The following SORCS3 variants were observed in gnomAD, a reference collection of about 807,000 sequenced individuals.
SORCS3 encodes VPS10 domain-containing receptor SorCS3.
A neutral mutation model predicts 146.3 loss-of-function variants in SORCS3; 57 were observed. That is an observed-to-expected ratio of 0.39 (90% CI 0.31 to 0.49). The LOEUF is 0.49. Among genes scored for constraint, SORCS3 ranks in the 20% least tolerant of loss-of-function variants. The probability of loss-of-function intolerance (pLI) is 0.92; values close to 1 mark genes in which losing one functional copy is unlikely to be tolerated. For synonymous variants in SORCS3, 653 were observed against 618.5 expected (o/e 1.06, Z -0.83); for missense variants, 1,341 against 1,575.5 (o/e 0.85, Z 2.52).
At chr10:104,819,304 T>C (rs1393087892) in intron 1 of SORCS3, among the ~76,000 whole-genome samples, 1 of 152,176 alleles carries the variant, frequency 6.6e-6, no homozygotes, top group East Asian at 1.9e-4. Flanking sequence ...TGAGTCTGGC[T>C]CAAGGGGTCT....
intron 1 of SORCS3, among the ~76,000 whole-genome samples, chr10:104,822,388 CT>C (rs1231635525): frequency 2.6e-5 from 4 of 152,196 alleles, no homozygotes; most frequent in African/African-American, 9.6e-5. Context: ...TTTCTCAGGA[CT>C]GTGGCCATGG....
chr10:104,954,402 C>G (rs1484301579), intron 3 of SORCS3, among the ~76,000 whole-genome samples: 1 of 152,092 alleles, frequency 6.6e-6, no homozygotes, highest in Non-Finnish European at 1.5e-5. Context: ...TATTAAAAAG[C>G]CAGGTGGGTG....
At chr10:105,170,078 G>C (rs142105412) in intron 13 of SORCS3, among the ~76,000 whole-genome samples, 5 of 152,208 alleles carry the variant, frequency 3.3e-5, no homozygotes, top group Non-Finnish European at 7.4e-5. Context: ...GTTTATTTTT[G>C]TCATTTCCTT....
At chr10:104,965,057 A>G (rs1037099344) in intron 3 of SORCS3, among the ~76,000 whole-genome samples, 1 of 152,168 alleles carries the variant, frequency 6.6e-6, no homozygotes, top group African/African-American at 2.4e-5. Flanking sequence ...TTCCTTCCTA[A>G]GGCGGAATAA....
chr10:104,802,105 A>T (rs1463154404), intron 1 of SORCS3, among the ~76,000 whole-genome samples: 2 of 152,198 alleles, frequency 1.3e-5, no homozygotes, highest in African/African-American at 2.4e-5. Context: ...TAGCTTTTAT[A>T]TTCTAAGGCA....
chr10:105,238,960 C>A (rs1379689096), intron 20 of SORCS3, among the ~76,000 whole-genome samples: 1 of 152,106 alleles, frequency 6.6e-6, no homozygotes, highest in East Asian at 1.9e-4. Flanking sequence ...CAAATAGAAT[C>A]TATAACTATC....
chr10:104,900,640 C>G (rs1564709187), intron 2 of SORCS3, among the ~76,000 whole-genome samples: 1 of 152,090 alleles, frequency 6.6e-6, no homozygotes, highest in Non-Finnish European at 1.5e-5. Context: ...CCTGTAATCC[C>G]AGGACTTTGG....
intron 4 of SORCS3, among the ~76,000 whole-genome samples, chr10:105,005,983 C>T (rs1052867377): frequency 2.6e-5 from 4 of 152,166 alleles, no homozygotes; most frequent in African/African-American, 4.8e-5. Flanking sequence ...CTTGCTCTGT[C>T]GCCCAGGCTT....
intron 4 of SORCS3, among the ~76,000 whole-genome samples, chr10:105,032,824 G>A (rs972538652): frequency 9.9e-5 from 15 of 152,080 alleles, no homozygotes; most frequent in African/African-American, 3.6e-4. Context: ...AGGAAAGCAG[G>A]CAATAAAGTA....
chr10:104,969,436 C>A (rs1378305222), intron 3 of SORCS3, among the ~76,000 whole-genome samples: 1 of 151,760 alleles, frequency 6.6e-6, no homozygotes, highest in African/African-American at 2.4e-5. Flanking sequence ...GTTTCCTTAT[C>A]TGTAAAATAT....
chr10:104,980,083 C>T (rs1263413014), intron 4 of SORCS3, among the ~76,000 whole-genome samples: 1 of 152,138 alleles, frequency 6.6e-6, no homozygotes, highest in Admixed American at 6.6e-5. Context: ...CATGAAGTAC[C>T]CTTATGGATA....
At chr10:105,025,879 C>CACAT (rs2055225702) in intron 4 of SORCS3, among the ~76,000 whole-genome samples, 1 of 150,470 alleles carries the variant, frequency 6.6e-6, no homozygotes, top group Non-Finnish European at 1.5e-5. Context: ...CACACACACA[C>CACAT]ACCTGAAGAA....
At chr10:105,131,733 G>A (rs146731718) in intron 7 of SORCS3, among the ~76,000 whole-genome samples, 249 of 152,176 alleles carry the variant, frequency 1.6e-3, no homozygotes, top group East Asian at 2.1e-3. Flanking sequence ...CAATTACGGC[G>A]GAAGGTAAAG....
At chr10:105,084,339 T>A (rs974201786) in intron 5 of SORCS3, among the ~76,000 whole-genome samples, 3 of 152,206 alleles carry the variant, frequency 2.0e-5, no homozygotes, top group Non-Finnish European at 4.4e-5. Context: ...CCATTAGCAT[T>A]TATTACCATT....
At chr10:104,756,717 C>A (rs759899310) in intron 1 of SORCS3, among the ~76,000 whole-genome samples, 2 of 152,180 alleles carry the variant, frequency 1.3e-5, no homozygotes, top group Non-Finnish European at 2.9e-5. Context: ...CCTCAGATGG[C>A]ACCGATCCTC....
chr10:105,065,073 G>T (rs538526573), intron 5 of SORCS3, among the ~76,000 whole-genome samples: 110 of 152,246 alleles, frequency 7.2e-4, no homozygotes, highest in Non-Finnish European at 1.4e-3. Context: ...TTGGGGGTGG[G>T]CATCCATCTC....
chr10:105,147,867 A>T, intron 9 of SORCS3, 71 bp downstream of exon 9: 1 of 1,343,460 alleles, frequency 7.4e-7, no homozygotes, highest in East Asian at 2.4e-5. Flanking sequence ...TATAAACACA[A>T]GCACTGGAGT....
chr10:105,237,342 AG>A (rs1312171304), intron 20 of SORCS3, among the ~76,000 whole-genome samples: 3 of 152,198 alleles, frequency 2.0e-5, no homozygotes, highest in African/African-American at 7.2e-5. Flanking sequence ...TCTATGATCA[AG>A]TATTGCTGCA....
At chr10:104,863,273 C>A (rs2018424913) in intron 2 of SORCS3, among the ~76,000 whole-genome samples, 2 of 152,148 alleles carry the variant, frequency 1.3e-5, no homozygotes, top group Admixed American at 6.5e-5. Flanking sequence ...CTAGGGATAT[C>A]CCTAGCAGAA....
Sources: gnomAD v4.1 joint callset for allele counts (sites outside exome capture counted in the v4.1 genomes callset) on GRCh38, gnomAD v4.1.1 for gene constraint, MANE v1.5 for transcripts, NCBI Gene and HGNC (gene_info 2026-07-23, HGNC 2026-07-21) for gene names.